CSMD1: variants seen among roughly 807,000 people sequenced by gnomAD.
CSMD1 encodes CUB and Sushi multiple domains 1.
Under a neutral mutation model 417.5 loss-of-function variants are expected in CSMD1, and 213 were observed. That is an observed-to-expected ratio of 0.51 (90% CI 0.46 to 0.57). CSMD1 has a LOEUF of 0.57. Among genes scored for constraint, CSMD1 ranks in the 20% least tolerant of loss-of-function variants. CSMD1 has a pLI of 0.00. For synonymous variants in CSMD1, 2,862 were observed against 1,736.8 expected, an observed-to-expected ratio of 1.65 and a Z score of -16.11; for missense variants, 6,923 against 4,529.7, an observed-to-expected ratio of 1.53 and a Z score of -15.17.
At chr8:4,753,057 T>C (rs1421735945) in intron 1 of CSMD1, among the ~76,000 whole-genome samples, 3 of 152,220 alleles carry the variant, frequency 2.0e-5, no homozygotes, top group East Asian at 3.8e-4. Flanking sequence ...TATTACTTTA[T>C]CTCATTTAAC....
intron 1 of CSMD1, among the ~76,000 whole-genome samples, chr8:4,738,859 A>G (rs1810413658): frequency 6.6e-6 from 1 of 150,698 alleles, no homozygotes; most frequent in Non-Finnish European, 1.5e-5. Context: ...TTGCTTATTT[A>G]GGAACTACAT....
At chr8:4,451,349 CAAAAT>C (rs1201154288) in intron 2 of CSMD1, among the ~76,000 whole-genome samples, 5 of 152,066 alleles carry the variant, frequency 3.3e-5, no homozygotes, top group African/African-American at 7.2e-5. Context: ...GACCCTGACT[CAAAAT>C]AATAAGGCAA....
At chr8:2,940,724 G>A (rs1366162154) in intron 69 of CSMD1, among the ~76,000 whole-genome samples, 1 of 152,136 alleles carries the variant, frequency 6.6e-6, no homozygotes, top group East Asian at 1.9e-4. Flanking sequence ...TAATTATGTG[G>A]GGTTATCTTT....
chr8:3,475,461 G>A (rs1305531335), intron 11 of CSMD1, among the ~76,000 whole-genome samples: 1 of 152,294 alleles, frequency 6.6e-6, no homozygotes, highest in Non-Finnish European at 1.5e-5. Flanking sequence ...AAATCTTAGT[G>A]TTATGTTAGG....
intron 7 of CSMD1, among the ~76,000 whole-genome samples, chr8:3,623,572 C>T (rs906870117): frequency 6.6e-6 from 1 of 152,186 alleles, no homozygotes; most frequent in Non-Finnish European, 1.5e-5. Context: ...GCTAGAAACT[C>T]TTAGTATCAT....
At chr8:3,800,840 C>A (rs986977557) in intron 5 of CSMD1, among the ~76,000 whole-genome samples, 2 of 152,056 alleles carry the variant, frequency 1.3e-5, no homozygotes, top group East Asian at 3.9e-4. Context: ...CATGTTTTGA[C>A]ACAGCACAAA....
chr8:4,240,996 G>A (rs775825567), intron 3 of CSMD1, among the ~76,000 whole-genome samples: 53 of 151,974 alleles, frequency 3.5e-4, no homozygotes, highest in East Asian at 1.9e-4. Flanking sequence ...TCCAGCCAAC[G>A]TCTCAGTGAA....
chr8:4,005,688 C>A (rs937266781), intron 4 of CSMD1, among the ~76,000 whole-genome samples: 5 of 152,214 alleles, frequency 3.3e-5, no homozygotes, highest in Non-Finnish European at 7.3e-5. Context: ...CTTCAAACAA[C>A]AGAAGAACTT....
At chr8:3,793,939 G>A (rs1227314128) in intron 5 of CSMD1, among the ~76,000 whole-genome samples, 1 of 152,116 alleles carries the variant, frequency 6.6e-6, no homozygotes, top group Non-Finnish European at 1.5e-5. Context: ...CTCTCCCCCA[G>A]AGCTGGGTAA....
chr8:4,347,323 T>C (rs1417339916), intron 3 of CSMD1, among the ~76,000 whole-genome samples: 1 of 152,170 alleles, frequency 6.6e-6, no homozygotes, highest in East Asian at 1.9e-4. Flanking sequence ...TTATTCAGTC[T>C]ATAGCATAGG....
chr8:4,847,544 C>T (rs574866840), intron 1 of CSMD1, among the ~76,000 whole-genome samples: 9 of 152,092 alleles, frequency 5.9e-5, no homozygotes, highest in Non-Finnish European at 1.3e-4. Context: ...TGGGCCGATA[C>T]TGGAATATTT....
At chr8:3,190,232 A>C in intron 33 of CSMD1, 117 bp from the exon 34 acceptor site, 1,242 of 581,674 alleles carry the variant, frequency 2.1e-3, no homozygotes, top group East Asian at 2.6e-3. Flanking sequence ...AGAATTTAAT[A>C]ACGACTCCAA....
chr8:3,899,615 A>C (rs1167959224), intron 5 of CSMD1, among the ~76,000 whole-genome samples: 1 of 152,198 alleles, frequency 6.6e-6, no homozygotes, highest in Non-Finnish European at 1.5e-5. Flanking sequence ...CAACATAAGT[A>C]TGTAGTGAGA....
intron 1 of CSMD1, among the ~76,000 whole-genome samples, chr8:4,947,208 C>T (rs746230655): frequency 1.3e-5 from 2 of 152,104 alleles, no homozygotes; most frequent in African/African-American, 2.4e-5. Context: ...CTGCTGTTAT[C>T]TACTTTTTAA....
intron 7 of CSMD1, among the ~76,000 whole-genome samples, chr8:3,631,112 G>C (rs1401354898): frequency 6.6e-6 from 1 of 152,166 alleles, no homozygotes; most frequent in Non-Finnish European, 1.5e-5. Context: ...TCAGCACACA[G>C]GTATCAGCTC....
rs201667296 is a variant in CSMD1 at position 3,983,135 on chromosome 8, C to CTT, written c.818+14766_818+14767dup. Among the ~76,000 whole-genome samples, 303 of 133,512 alleles carry CTT rather than the reference C, an allele frequency of 2.3e-3. 3 individuals carry two copies. Among genetic ancestry groups the CTT allele is most frequent in the African/African-American group, 5.9e-3 (203 of 34,524 alleles). The allele number at this position is 133,512 out of a possible 152,430, so 87.6% of individuals were successfully genotyped here. On this transcript the variant is annotated intron_variant, in intron 5 of 69. Coordinates refer to ENST00000635120, the MANE Select transcript of CSMD1 (RefSeq NM_033225.6). ...TATGCATCCTCCCACATCTTTCTTT[C>CTT]TTTTTTTTTTTTTGAGACGGACTCT...
chr8:3,691,087 C>T (rs1398000034), intron 7 of CSMD1, among the ~76,000 whole-genome samples: 1 of 152,060 alleles, frequency 6.6e-6, no homozygotes, highest in East Asian at 1.9e-4. Flanking sequence ...TATCAATGGG[C>T]CGGGCTTGGT....
At chr8:4,744,614 T>C (rs1810831123) in intron 1 of CSMD1, among the ~76,000 whole-genome samples, 1 of 152,184 alleles carries the variant, frequency 6.6e-6, no homozygotes, top group Non-Finnish European at 1.5e-5. Context: ...AAATTAGCCA[T>C]TTTCATAGGA....
rs1296407535 is a variant in CSMD1 at position 4,604,406 on chromosome 8, T to TGC, written c.302+32935_302+32936insGC. 1.4e-4 allele frequency among the ~76,000 whole-genome samples: 11 copies of TGC among 77,296 alleles called. No homozygotes were observed. In the East Asian group the frequency reaches 1.5e-3, roughly 10 times the overall value. 50.7% of individuals were successfully genotyped at this position (77,296 alleles called of 152,430 possible). A position where few individuals can be genotyped will look rare whatever the true frequency, so the allele number is the denominator to read the frequency against. Reference sequence around the variant, plus strand: ...TTGTGTGTGTGTGTGTGTGTGTGTGTGTGTGCGCGTGCGTAAAGACTAGGA... The same window carrying TGC: ...TTGTGTGTGTGTGTGTGTGTGTGTGTGCGTGTGCGCGTGCGTAAAGACTAGGA... On this transcript the variant is annotated intron_variant, in intron 2 of 69. Coordinates refer to ENST00000635120, the MANE Select transcript of CSMD1 (RefSeq NM_033225.6).
Sources: gnomAD v4.1 joint callset for allele counts (sites outside exome capture counted in the v4.1 genomes callset) on GRCh38, gnomAD v4.1.1 for gene constraint, MANE v1.5 for transcripts, NCBI Gene and HGNC (gene_info 2026-07-23, HGNC 2026-07-21) for gene names.